Variants in TMEM117 observed in about 807,000 individuals in gnomAD.
The protein encoded by TMEM117 is transmembrane protein 117.
Under a neutral mutation model 52.4 loss-of-function variants are expected in TMEM117, and 27 were observed. That is an observed-to-expected ratio of 0.51 (90% confidence interval 0.38 to 0.71). TMEM117 has a LOEUF of 0.71. Among genes scored for constraint, TMEM117 ranks in the 30% least tolerant of loss-of-function variants. The pLI is 0.00. For missense variants in TMEM117, 556 were observed against 630.5 expected (o/e 0.88, Z 1.26); for synonymous variants, 215 against 206.3 (o/e 1.04, Z -0.36).
chr12:44,207,914 CT>C (rs1224978926), intron 4 of TMEM117, among the ~76,000 whole-genome samples: 2 of 152,006 alleles, frequency 1.3e-5, no homozygotes, highest in African/African-American at 2.4e-5. Context: ...TGTTATTTAA[CT>C]TCATTGACTT....
intron 2 of TMEM117, among the ~76,000 whole-genome samples, chr12:43,889,164 C>A (rs1476051526): frequency 6.6e-6 from 1 of 150,936 alleles, no homozygotes; most frequent in South Asian, 2.1e-4. Context: ...CTCACTGCAA[C>A]CTCCGCCTCC....
intron 3 of TMEM117, among the ~76,000 whole-genome samples, chr12:43,969,813 TC>T (rs1945551654): frequency 6.6e-6 from 1 of 152,108 alleles, no homozygotes; most frequent in Non-Finnish European, 1.5e-5. Context: ...TCTCTCTCCA[TC>T]CCTTGACACT....
intron 4 of TMEM117, among the ~76,000 whole-genome samples, chr12:44,186,782 T>C (rs1192438313): frequency 6.6e-6 from 1 of 152,122 alleles, no homozygotes; most frequent in Non-Finnish European, 1.5e-5. Flanking sequence ...AATTTATACA[T>C]AAAAATTTAG....
At chr12:44,286,609 A>G (rs1012885957) in intron 5 of TMEM117, among the ~76,000 whole-genome samples, 1 of 152,140 alleles carries the variant, frequency 6.6e-6, no homozygotes, top group Non-Finnish European at 1.5e-5. Flanking sequence ...ATGAAAGAAA[A>G]CAATATCCAT....
At chr12:44,334,689 C>T (rs1951317025) in intron 6 of TMEM117, among the ~76,000 whole-genome samples, 1 of 151,956 alleles carries the variant, frequency 6.6e-6, no homozygotes, top group African/African-American at 2.4e-5. Context: ...CAACTCTTTA[C>T]TTAACGCCTG....
chr12:44,351,880 C>T (rs1320094156), intron 6 of TMEM117, among the ~76,000 whole-genome samples: 2 of 151,726 alleles, frequency 1.3e-5, no homozygotes, highest in Non-Finnish European at 2.9e-5. Context: ...GAAATGCTTC[C>T]GGGATGAGGT....
chr12:44,256,500 CTT>C (rs1950261897), intron 5 of TMEM117, among the ~76,000 whole-genome samples: 1 of 151,910 alleles, frequency 6.6e-6, no homozygotes, highest in African/African-American at 2.4e-5. Context: ...TGAAATTACT[CTT>C]ATAAATAATA....
At chr12:44,145,208 TAGG>T (rs1948626930) in intron 4 of TMEM117, among the ~76,000 whole-genome samples, 1 of 152,164 alleles carries the variant, frequency 6.6e-6, no homozygotes, top group South Asian at 2.1e-4. Flanking sequence ...AAAAGCTTTT[TAGG>T]AGGAGATACA....
chr12:44,282,124 A>C (rs1010832002), intron 5 of TMEM117, among the ~76,000 whole-genome samples: 2 of 152,134 alleles, frequency 1.3e-5, no homozygotes, highest in Admixed American at 6.5e-5. Context: ...TCTTGTTGCC[A>C]CCATGTAAGA....
At chr12:44,122,090 G>A (rs1326765031) in intron 3 of TMEM117, among the ~76,000 whole-genome samples, 1 of 147,688 alleles carries the variant, frequency 6.8e-6, no homozygotes, top group Non-Finnish European at 1.5e-5. Context: ...CTGTTGCCCA[G>A]GCTGAGTGCA....
chr12:44,356,494 G>T (rs993801492), intron 6 of TMEM117, among the ~76,000 whole-genome samples: 1 of 152,004 alleles, frequency 6.6e-6, no homozygotes, highest in Non-Finnish European at 1.5e-5. Context: ...TTTGTCTGGG[G>T]TTTTTCTTTC....
chr12:44,147,582 G>T (rs941586472), intron 4 of TMEM117, among the ~76,000 whole-genome samples: 1 of 152,088 alleles, frequency 6.6e-6, no homozygotes, highest in Non-Finnish European at 1.5e-5. Flanking sequence ...CAGACTCCAG[G>T]TTTGAGGTTC....
chr12:44,216,673 G>T (rs947285738), intron 5 of TMEM117, among the ~76,000 whole-genome samples: 5 of 152,168 alleles, frequency 3.3e-5, no homozygotes, highest in African/African-American at 1.2e-4. Context: ...GAGTATTATA[G>T]TGGCAAAGCA....
downstream of TMEM117, among the ~76,000 whole-genome samples, chr12:44,390,890 C>G (rs75294366): frequency 3.6e-3 from 544 of 152,188 alleles, 2 homozygotes; most frequent in African/African-American, 0.012. Flanking sequence ...CATTCACATT[C>G]AGTCTTGAAT....
At chr12:44,159,725 C>T (rs942783859) in intron 4 of TMEM117, among the ~76,000 whole-genome samples, 25 of 151,960 alleles carry the variant, frequency 1.6e-4, no homozygotes, top group Non-Finnish European at 3.4e-4. Context: ...TATGGTTCTC[C>T]GTAAACATGC....
At chr12:43,823,752 T>C in the TMEM117 span, among the ~76,000 whole-genome samples, 1 of 151,976 alleles carries the variant, frequency 6.6e-6, no homozygotes, top group Admixed American at 6.6e-5. Flanking sequence ...GACCTCGTGA[T>C]CCACCCACCT....
intron 3 of TMEM117, among the ~76,000 whole-genome samples, chr12:44,143,299 C>T (rs1229911181): frequency 1.3e-5 from 2 of 152,178 alleles, no homozygotes; most frequent in African/African-American, 2.4e-5. Context: ...ATGAAGTGCA[C>T]ATGGTAATTG....
chr12:43,868,317 G>T (rs1592320269), intron 2 of TMEM117, among the ~76,000 whole-genome samples: 1 of 151,922 alleles, frequency 6.6e-6, no homozygotes, highest in Non-Finnish European at 1.5e-5. Context: ...AAGGCGGTTG[G>T]ATTGCCTGAG....
chr12:44,301,780 A>G (rs905823682), intron 6 of TMEM117, among the ~76,000 whole-genome samples: 4 of 152,240 alleles, frequency 2.6e-5, no homozygotes, highest in Admixed American at 2.0e-4. Context: ...GAAAATGGCT[A>G]CTGCCGACAC....
Sources: gnomAD v4.1 joint callset for allele counts (sites outside exome capture counted in the v4.1 genomes callset) on GRCh38, gnomAD v4.1.1 for gene constraint, MANE v1.5 for transcripts, NCBI Gene and HGNC (gene_info 2026-07-23, HGNC 2026-07-21) for gene names.